TRIM16: variants seen among roughly 807,000 people sequenced by gnomAD.
The protein encoded by TRIM16 is tripartite motif containing 16, also known as tripartite motif-containing protein 16.
TRIM16 carries 33 observed loss-of-function variants against 50.4 expected under a neutral mutation model. The observed-to-expected ratio is 0.65, with a 90% confidence interval of 0.50 to 0.88. The LOEUF is 0.88. Ranked by LOEUF, TRIM16 falls within the 40% of genes least tolerant of loss-of-function variation. The pLI, the probability that TRIM16 is intolerant of heterozygous loss-of-function variation, is 0.00. For synonymous variants in TRIM16, 229 were observed against 270.7 expected, an observed-to-expected ratio of 0.85 and a Z score of 1.51; for missense variants, 581 against 686.8, an observed-to-expected ratio of 0.85 and a Z score of 1.72.
Position 15,683,091 on chromosome 17 carries a change from A to G in TRIM16, c.-832T>C, listed in dbSNP as rs1257186518. 1.3e-6 allele frequency: 2 copies of G among 1,550,468 alleles called. No homozygotes were observed. The highest frequency in any genetic ancestry group is 1.7e-6 in the Non-Finnish European group (2 of 1,146,974). ...CCATAATCATAGCCTTTGCTTCACTATTTGGGTGTAGCAACCTTTCCGTTC... is the reference window on the plus strand; with the variant it reads ...CCATAATCATAGCCTTTGCTTCACTGTTTGGGTGTAGCAACCTTTCCGTTC... On this transcript the variant is annotated 5_prime_UTR_variant, in exon 2 of 12. Transcript: ENST00000649191.
intron 6 of TRIM16, among the ~76,000 whole-genome samples, chr17:15,659,537 G>C (rs1349265170): frequency 1.3e-5 from 2 of 152,168 alleles, no homozygotes; most frequent in Non-Finnish European, 2.9e-5. Context: ...ATGCTTTGTT[G>C]AATCTCCATA....
At chr17:15,668,187 C>G (rs1214723400) in intron 6 of TRIM16, among the ~76,000 whole-genome samples, 2 of 152,230 alleles carry the variant, frequency 1.3e-5, no homozygotes, top group African/African-American at 4.8e-5. Context: ...CTCCAGCTAT[C>G]TGTGCCATGG....
rs1480812779 is a variant in TRIM16, at chr17:15,631,860, T to C, written c.1016-146A>G. 9 of 684,634 alleles carry C rather than the reference T, an allele frequency of 1.3e-5. 1 individual carries two copies. In the East Asian group the frequency reaches 2.2e-4, roughly 17 times the overall value. 42.4% of individuals were successfully genotyped at this position (684,634 alleles called of 1,614,324 possible). A position where few individuals can be genotyped will look rare whatever the true frequency, so the allele number is the denominator to read the frequency against. The stretch of plus-strand genomic sequence containing the variant: ...TAATGTTTCACAGAAATACGCTCAA[T>C]AGACTACATTTCTTTCATAGGTAAG... On this transcript the variant is annotated intron_variant, in intron 10 of 11. Transcript: ENST00000649191.
intron 6 of TRIM16, among the ~76,000 whole-genome samples, chr17:15,667,441 T>C (rs1988545542): frequency 6.6e-6 from 1 of 152,244 alleles, no homozygotes; most frequent in Non-Finnish European, 1.5e-5. Flanking sequence ...AGTACATGAC[T>C]TTATAACATT....
chr17:15,678,000 G>A (rs1324743108), intron 4 of TRIM16, among the ~76,000 whole-genome samples: 5 of 152,062 alleles, frequency 3.3e-5, no homozygotes, highest in South Asian at 2.1e-4. Context: ...GGCAGATCAC[G>A]AGGTCAGGAG....
intron 6 of TRIM16, among the ~76,000 whole-genome samples, chr17:15,665,311 C>T (rs1047628178): frequency 3.3e-5 from 5 of 152,002 alleles, no homozygotes; most frequent in East Asian, 1.9e-4. Flanking sequence ...AGATCGAGAC[C>T]ATCCTGGCTA....
intron 4 of TRIM16, among the ~76,000 whole-genome samples, chr17:15,680,241 C>T (rs234608): frequency 0.23 from 34,053 of 151,294 alleles, 4,060 homozygotes; most frequent in African/African-American, 0.29. Flanking sequence ...ATGAATAAAA[C>T]CTTCCTAAAT....
chr17:15,631,395 T>A (rs1314270904), intron 11 of TRIM16, among the ~76,000 whole-genome samples: 5 of 152,232 alleles, frequency 3.3e-5, no homozygotes, highest in Non-Finnish European at 5.9e-5. Flanking sequence ...GAAAGATATA[T>A]GGGAATTCTT....
At chr17:15,673,852 T>C (rs1183360281) in intron 6 of TRIM16, among the ~76,000 whole-genome samples, 2 of 152,208 alleles carry the variant, frequency 1.3e-5, no homozygotes, top group Non-Finnish European at 2.9e-5. Context: ...TACAAATTCA[T>C]ATGACCATTT....
intron 9 of TRIM16, 33 bp downstream of exon 9, chr17:15,636,003 T>G: frequency 6.2e-7 from 1 of 1,608,182 alleles, no homozygotes; most frequent in Admixed American, 1.7e-5. Flanking sequence ...ATGGGGCAGC[T>G]GTGGGATGCC....
chr17:15,652,724 G>A (rs2150920607), intron 6 of TRIM16, among the ~76,000 whole-genome samples: 1 of 152,144 alleles, frequency 6.6e-6, no homozygotes, highest in East Asian at 1.9e-4. Flanking sequence ...GCTTCCCAAT[G>A]TGCTGGGATT....
Position 15,628,777 on chromosome 17 carries a change from T to C in TRIM16, c.1533A>G (p.Val511=), listed in dbSNP as rs377461383. ...FPGGILSFYG[V]EYDTMTLVHK... is the part of the protein sequence containing the mutation. The stretch of plus-strand genomic sequence containing the variant: ...GAACCAGAGTCATGGTATCATACTC[T>C]ACGCCATAGAAGGAAAGGATCCCTC... Residue 511 remains valine (V), a synonymous_variant, in exon 12 of 12, where the codon GTA becomes GTG. Transcript: ENST00000649191. 3.8e-5 allele frequency: 62 copies of C among 1,614,108 alleles called. No individual in the cohort carries two copies. Among genetic ancestry groups the C allele is most frequent in the Non-Finnish European group, 4.9e-5 (58 of 1,180,050 alleles).
At chr17:15,668,671 CCAAA>C (rs949515790) in intron 6 of TRIM16, among the ~76,000 whole-genome samples, 13 of 152,238 alleles carry the variant, frequency 8.5e-5, no homozygotes, top group South Asian at 8.3e-4. Context: ...AAACACACCA[CCAAA>C]CATTCTTCCC....
chr17:15,676,734 C>T (rs866304382), intron 6 of TRIM16, among the ~76,000 whole-genome samples: 2 of 152,126 alleles, frequency 1.3e-5, no homozygotes, highest in African/African-American at 2.4e-5. Context: ...TGCGCCTGGC[C>T]GAAACCTGAG....
At chr17:15,649,168 C>G (rs1987559866) in intron 7 of TRIM16, among the ~76,000 whole-genome samples, 1 of 148,402 alleles carries the variant, frequency 6.7e-6, no homozygotes, top group Non-Finnish European at 1.5e-5. Context: ...TAGAACATTT[C>G]TGCAAGGAAA....
chr17:15,675,426 C>A (rs576880975), intron 6 of TRIM16: 20 of 167,170 alleles, frequency 1.2e-4, no homozygotes, highest in African/African-American at 4.3e-4. Flanking sequence ...CTGAACTACA[C>A]GAAAGCTCTG....
chr17:15,630,453 T>A (rs1986357757), intron 11 of TRIM16, among the ~76,000 whole-genome samples: 1 of 152,160 alleles, frequency 6.6e-6, no homozygotes, highest in Non-Finnish European at 1.5e-5. Flanking sequence ...CTTCTCTAAC[T>A]CAGAGAAGAT....
At chr17:15,675,883 C>T (rs1988918873) in intron 6 of TRIM16, among the ~76,000 whole-genome samples, 1 of 149,134 alleles carries the variant, frequency 6.7e-6, no homozygotes, top group Admixed American at 6.7e-5. Context: ...TTTGCAGATA[C>T]TTGAATGTTT....
At chr17:15,639,169 C>T (rs1430346927) in intron 8 of TRIM16, among the ~76,000 whole-genome samples, 3 of 140,536 alleles carry the variant, frequency 2.1e-5, no homozygotes, top group Admixed American at 1.4e-4. Context: ...CCTCAGCCTC[C>T]GAAGTAGCAG....
Sources: gnomAD v4.1 joint callset for allele counts (sites outside exome capture counted in the v4.1 genomes callset) on GRCh38, gnomAD v4.1.1 for gene constraint, MANE v1.5 for transcripts, NCBI Gene and HGNC (gene_info 2026-07-23, HGNC 2026-07-21) for gene names.